The following GCNT1 variants were observed in gnomAD, a reference collection of about 807,000 sequenced individuals.
GCNT1 encodes the protein glucosaminyl (N-acetyl) transferase 1.
In GCNT1, 16 loss-of-function variants were observed where a neutral mutation model predicts 26.2. The ratio of observed to expected loss-of-function variants is 0.61; its 90% confidence interval spans 0.41 to 0.93. The LOEUF (loss-of-function observed/expected upper bound fraction) is 0.93, where lower values mean the gene tolerates loss of function less well. Ranked by LOEUF, GCNT1 falls within the 40% of genes least tolerant of loss-of-function variation. The pLI, the probability that GCNT1 is intolerant of heterozygous loss-of-function variation, is 0.00. For missense variants in GCNT1, 477 were observed against 526.7 expected (o/e 0.91, Z 0.92); for synonymous variants, 183 against 190.8 (o/e 0.96, Z 0.34).
chr9:76,422,471 G>C (rs1823208137), intron 1 of GCNT1, among the ~76,000 whole-genome samples: 1 of 152,106 alleles, frequency 6.6e-6, no homozygotes, highest in Admixed American at 6.5e-5. Flanking sequence ...TATTATGGTG[G>C]AACAATGATA....
chr9:76,458,324 A>G (rs1395359569), upstream of GCNT1, among the ~76,000 whole-genome samples: 1 of 151,614 alleles, frequency 6.6e-6, no homozygotes, highest in African/African-American at 2.4e-5. Context: ...CTGGGACTAC[A>G]GGCGCCCGCC....
intron 1 of GCNT1, among the ~76,000 whole-genome samples, chr9:76,431,870 G>A (rs940360228): frequency 3.3e-5 from 5 of 152,238 alleles, no homozygotes; most frequent in South Asian, 2.1e-4. Flanking sequence ...TGCACTTTGC[G>A]AGGCGAGGTG....
At chr9:76,432,925 T>A (rs1823356901) in intron 1 of GCNT1, among the ~76,000 whole-genome samples, 1 of 152,130 alleles carries the variant, frequency 6.6e-6, no homozygotes, top group African/African-American at 2.4e-5. Context: ...TGCCTTTGTT[T>A]TAGGCTTTTT....
intron 2 of GCNT1, among the ~76,000 whole-genome samples, chr9:76,474,422 A>G (rs1177174627): frequency 6.6e-6 from 1 of 152,208 alleles, no homozygotes; most frequent in African/African-American, 2.4e-5. Context: ...AAACAAAGCT[A>G]TGAATATACA....
At chr9:76,467,284 C>T (rs1587429326) in intron 2 of GCNT1, among the ~76,000 whole-genome samples, 1 of 152,160 alleles carries the variant, frequency 6.6e-6, no homozygotes, top group Non-Finnish European at 1.5e-5. Context: ...CCTAGTGATC[C>T]ACCCGCCTTG....
chr9:76,424,496 T>A (rs775927665), intron 1 of GCNT1, among the ~76,000 whole-genome samples: 3 of 152,186 alleles, frequency 2.0e-5, no homozygotes, highest in Non-Finnish European at 4.4e-5. Context: ...AGCACAGCAA[T>A]TAATGTGGAC....
chr9:76,405,011 G>A, the GCNT1 span, among the ~76,000 whole-genome samples: 1 of 151,526 alleles, frequency 6.6e-6, no homozygotes, highest in East Asian at 1.9e-4. Context: ...TAGAGATGGG[G>A]TTTTGCCATG....
chr9:76,475,042 G>C (rs1164879591), intron 2 of GCNT1, among the ~76,000 whole-genome samples: 3 of 152,184 alleles, frequency 2.0e-5, no homozygotes, highest in Non-Finnish European at 4.4e-5. Flanking sequence ...CTCTTGAGTA[G>C]CTGGGATTAC....
At chr9:76,487,811 T>C (rs920848821) in intron 2 of GCNT1, among the ~76,000 whole-genome samples, 3 of 152,224 alleles carry the variant, frequency 2.0e-5, no homozygotes, top group Admixed American at 6.5e-5. Context: ...CATGGCTTAC[T>C]GCAGCCTTGA....
chr9:76,458,404 G>T (rs528040950), upstream of GCNT1, among the ~76,000 whole-genome samples: 1 of 152,028 alleles, frequency 6.6e-6, no homozygotes, highest in African/African-American at 2.4e-5. Context: ...GGATGGTCTC[G>T]ATCTCCTGAC....
At chr9:76,405,288 A>AACACACACACACACACACACACAC in the GCNT1 span, among the ~76,000 whole-genome samples, 2 of 149,752 alleles carry the variant, frequency 1.3e-5, no homozygotes, top group African/African-American at 4.9e-5. Flanking sequence ...CCTGACCTTC[A>AACACACACACACACACACACACAC]ACACACACAC....
intron 3 of GCNT1, among the ~76,000 whole-genome samples, chr9:76,501,359 A>G (rs1327906328): frequency 2.0e-5 from 3 of 152,324 alleles, no homozygotes; most frequent in South Asian, 4.1e-4. Flanking sequence ...TAAGCATTTC[A>G]TATAGTAAAA....
upstream of GCNT1, among the ~76,000 whole-genome samples, chr9:76,419,544 A>G (rs10781359): frequency 0.44 from 67,419 of 151,814 alleles, 15,868 homozygotes; most frequent in African/African-American, 0.53. Context: ...TGTAGTCCCA[A>G]CTACTCAGGA....
rs79158657 is a variant in GCNT1, at chr9:76,486,384, G to A, written c.-289-14532G>A. ...GCATGTGACTTTGCTGTATAAAAAT[G>A]CCTTTCTGTTACATCACATTTGACC... On this transcript the variant is annotated intron_variant, in intron 2 of 3. Coordinates refer to ENST00000376730, the MANE Select transcript of GCNT1 (RefSeq NM_001490.5). Among the ~76,000 whole-genome samples, 31 of 152,320 alleles carry A rather than the reference G, an allele frequency of 2.0e-4. 1 individual carries two copies. The East Asian group carries it at 5.6e-3, about 27-fold the overall frequency.
chr9:76,406,496 CAAAAA>C, the GCNT1 span, among the ~76,000 whole-genome samples: 2 of 62,454 alleles, frequency 3.2e-5, no homozygotes. Context: ...GACCCTGTCT[CAAAAA>C]AAAAAAAAAA....
upstream of GCNT1, among the ~76,000 whole-genome samples, chr9:76,416,051 G>A (rs1023273983): frequency 6.6e-6 from 1 of 152,088 alleles, no homozygotes; most frequent in Non-Finnish European, 1.5e-5. Context: ...CCCTAAATGA[G>A]AACTTCACAT....
the GCNT1 span, among the ~76,000 whole-genome samples, chr9:76,409,012 A>G: frequency 6.6e-6 from 1 of 152,144 alleles, no homozygotes; most frequent in East Asian, 1.9e-4. Flanking sequence ...TTTCTGAAAG[A>G]GATTATAGAA....
chr9:76,435,197 T>C (rs1823391148), intron 1 of GCNT1, among the ~76,000 whole-genome samples: 1 of 152,124 alleles, frequency 6.6e-6, no homozygotes, highest in Non-Finnish European at 1.5e-5. Flanking sequence ...CCCTCCCCTT[T>C]TAAAATCCCT....
intron 1 of GCNT1, among the ~76,000 whole-genome samples, chr9:76,425,138 A>G (rs10124657): frequency 3.3e-5 from 1 of 30,154 alleles, no homozygotes; most frequent in Admixed American, 3.1e-4. Context: ...AACTCCGTCT[A>G]AAAAAAAAAA....
Sources: allele counts gnomAD v4.1 joint callset (sites outside exome capture counted in the v4.1 genomes callset), GRCh38; gene constraint gnomAD v4.1.1; transcripts MANE v1.5; gene names NCBI Gene and HGNC (gene_info 2026-07-23, HGNC 2026-07-21).